The following TBC1D8B variants were observed in gnomAD, a reference collection of about 807,000 sequenced individuals.
TBC1D8B encodes TBC1 domain family member 8B.
A neutral mutation model predicts 82.9 loss-of-function variants in TBC1D8B; 75 were observed. The observed-to-expected ratio is 0.90, with a 90% confidence interval of 0.75 to 1.10. The LOEUF (loss-of-function observed/expected upper bound fraction) is 1.10. TBC1D8B is among the 50% of genes least tolerant of loss of function. The pLI, the probability that TBC1D8B is intolerant of heterozygous loss-of-function variation, is 0.00. For synonymous variants in TBC1D8B, 276 were observed against 276.8 expected (o/e 1.00, Z 0.03); for missense variants, 794 against 796.9 (o/e 1.00, Z 0.04).
intron 6 of TBC1D8B, 149 bp from the exon 7 acceptor site, chrX:106,827,021 G>C: frequency 1.8e-6 from 1 of 541,303 alleles, no homozygotes; most frequent in Non-Finnish European, 3.0e-6. Flanking sequence ...TTGTATGATT[G>C]GTGCAACTAG....
chrX:106,813,542 T>A (rs1210388118), intron 1 of TBC1D8B, among the ~76,000 whole-genome samples: 1 of 111,897 alleles, frequency 8.9e-6, no homozygotes, highest in Non-Finnish European at 1.9e-5. Context: ...TCCTCTCACA[T>A]CCACATAGCC....
chrX:106,811,087 C>A (rs1270335844), intron 1 of TBC1D8B, among the ~76,000 whole-genome samples: 1 of 111,796 alleles, frequency 8.9e-6, no homozygotes, highest in Non-Finnish European at 1.9e-5. Context: ...ATAAGGCTGC[C>A]CTTTCTTATG....
At chrX:106,845,565 T>A (rs1244086277) in intron 10 of TBC1D8B, among the ~76,000 whole-genome samples, 1 of 108,556 alleles carries the variant, frequency 9.2e-6, no homozygotes, top group Non-Finnish European at 1.9e-5. Flanking sequence ...TTTTTTGTTC[T>A]TGCAGTTAGA....
In TBC1D8B at chrX:106,840,015, A is replaced by G. The variant is rs73531167; in HGVS notation, c.1354-33A>G. The G allele has an allele frequency of 0.012, 14,055 of 1,155,894 alleles. 1,157 individuals are homozygous for G. In the African/African-American group the frequency reaches 0.22, roughly 19 times the overall value. ...TTTTGCAGAAGTTAATTTCTCACTAAATTTAGTTGTTTTGATTTTTCTGTC... is the reference window on the plus strand; with the variant it reads ...TTTTGCAGAAGTTAATTTCTCACTAGATTTAGTTGTTTTGATTTTTCTGTC... On this transcript the variant is annotated intron_variant, in intron 8 of 20. Transcript: ENST00000357242.
Position 106,875,719 on chromosome X carries a change from C to T in TBC1D8B, c.*1754C>T, listed in dbSNP as rs1464332731. 9.0e-6 allele frequency: 1 copy of T among 111,729 alleles called. No individual in the cohort carries two copies. Among genetic ancestry groups the T allele is most frequent in the East Asian group, 2.8e-4 (1 of 3,554 alleles). The allele number at this position is 111,729 out of a possible 1,213,427, so 9.2% of individuals were successfully genotyped here. A position where few individuals can be genotyped will look rare whatever the true frequency, so the allele number is the denominator to read the frequency against. ...TCTAGAAAGACACATGTATACAAGG[C>T]ACTATTGTACACACTTTGCTGAATA... On this transcript the variant is annotated 3_prime_UTR_variant, in exon 21 of 21. Coordinates refer to ENST00000357242, the MANE Select transcript of TBC1D8B (RefSeq NM_017752.3).
rs758517242 is a variant in TBC1D8B, at chrX:106,852,881, G to C, written c.2124-640G>C. Among the ~76,000 whole-genome samples the C allele has an allele frequency of 6.2e-3, 693 of 111,441 alleles. 8 individuals carry two copies. The highest frequency in any genetic ancestry group is 0.022 in the African/African-American group (661 of 30,652). On this transcript the variant is annotated intron_variant, in intron 12 of 20. Coordinates refer to ENST00000357242, the MANE Select transcript of TBC1D8B (RefSeq NM_017752.3). The stretch of plus-strand genomic sequence containing the variant: ...ATGATGCCTCCAGCTTTGTTCTTTT[G>C]CCTTAGGATTGACTTGGCGATGCGG...
At chrX:106,814,006 C>A (rs768975743) in intron 1 of TBC1D8B, 4 of 107,169 alleles carry the variant, frequency 3.7e-5, no homozygotes, top group Admixed American at 3.1e-4. Context: ...ATCCCTCCCC[C>A]CTCCCGCCAC....
chrX:106,823,110 A>G (rs754527317), intron 4 of TBC1D8B, 116 bp from the exon 5 acceptor site: 1 of 801,860 alleles, frequency 1.2e-6, no homozygotes, highest in South Asian at 3.1e-5. Context: ...ACTCTAAACT[A>G]TTTTAGCTGT....
intron 14 of TBC1D8B, among the ~76,000 whole-genome samples, chrX:106,855,353 T>C (rs1263096244): frequency 8.9e-6 from 1 of 112,585 alleles, no homozygotes. Context: ...ATTACATAAA[T>C]GTAAAAAGTA....
chrX:106,865,508 T>G (rs1287847672), intron 14 of TBC1D8B, 51 bp from the exon 15 acceptor site: 1 of 1,005,315 alleles, frequency 9.9e-7, no homozygotes, highest in East Asian at 3.1e-5. Flanking sequence ...GAGAATTTCT[T>G]TACTGCAATG....
At chrX:106,826,499 T>A (rs1014080647) in intron 6 of TBC1D8B, among the ~76,000 whole-genome samples, 9 of 109,155 alleles carry the variant, frequency 8.2e-5, no homozygotes, top group Non-Finnish European at 1.5e-4. Flanking sequence ...TGTATACATG[T>A]GCCATGTTGG....
chrX:106,820,882 A>G lies in TBC1D8B; in HGVS notation c.247A>G (p.Asn83Asp). The G allele has an allele frequency of 1.7e-6, 2 of 1,175,381 alleles. No individual in the cohort carries two copies. The highest frequency in any genetic ancestry group is 1.1e-6 in the Non-Finnish European group (1 of 873,396). ...TTTCTTGTGTTATTAATCAGGAGCC[A>G]ACAGAGAAGAAATAACCAAGCATTG... ...QVYLSIACGANREEITKHWDW... is the reference protein window; with the variant it reads ...QVYLSIACGADREEITKHWDW... The change falls in exon 3 of 21, where the codon AAC becomes GAC. Residue 83 changes from asparagine to aspartate, a missense_variant. Physicochemically the swap from Asn to Asp is conservative, Grantham distance 23. Coordinates refer to ENST00000357242, the MANE Select transcript of TBC1D8B (RefSeq NM_017752.3).
intron 1 of TBC1D8B, chrX:106,813,979 G>C (rs1479035423): frequency 9.1e-6 from 1 of 109,410 alleles, no homozygotes; most frequent in African/African-American, 3.3e-5. Context: ...TTAGCATTAG[G>C]TATATCTCTT....
intron 14 of TBC1D8B, among the ~76,000 whole-genome samples, chrX:106,863,069 G>A: frequency 9.0e-6 from 1 of 111,477 alleles, no homozygotes; most frequent in Non-Finnish European, 1.9e-5. Context: ...TCGGGGTGGT[G>A]GCGGTGGAAT....
intron 6 of TBC1D8B, among the ~76,000 whole-genome samples, chrX:106,826,676 G>T (rs1043981618): frequency 1.9e-5 from 2 of 104,205 alleles, no homozygotes; most frequent in East Asian, 6.3e-4. Flanking sequence ...GCGGTGTTTG[G>T]TTTTTTTGTC....
At position 106,823,670 on chromosome X, in the gene TBC1D8B, G is replaced by T. The variant is rs776893513; in HGVS notation, c.827+204G>T. On this transcript the variant is annotated intron_variant, in intron 5 of 20. Transcript: ENST00000357242. Reference sequence around the variant, plus strand: ...TTCTCTCCAGGAAATTTAATTGTAAGAAATAATAGAAGTTAGATTTGAAAA... The same window carrying T: ...TTCTCTCCAGGAAATTTAATTGTAATAAATAATAGAAGTTAGATTTGAAAA... Among the ~76,000 whole-genome samples the T allele has an allele frequency of 9.3e-4, 103 of 110,784 alleles. 2 individuals are homozygous for T. Among genetic ancestry groups the T allele is most frequent in the African/African-American group, 3.2e-3 (99 of 30,503 alleles).
intron 7 of TBC1D8B, among the ~76,000 whole-genome samples, chrX:106,830,502 T>G (rs1932006950): frequency 9.0e-6 from 1 of 110,767 alleles, no homozygotes; most frequent in South Asian, 3.9e-4. Context: ...ACACATATGT[T>G]TACTGCGGCA....
intron 8 of TBC1D8B, among the ~76,000 whole-genome samples, chrX:106,839,792 T>C (rs1932259725): frequency 8.9e-6 from 1 of 112,321 alleles, no homozygotes. Context: ...GCCTCCCAAG[T>C]ATAACACTTT....
chrX:106,821,551 T>C (rs1233577324), intron 3 of TBC1D8B, among the ~76,000 whole-genome samples: 1 of 111,519 alleles, frequency 9.0e-6, no homozygotes, highest in Non-Finnish European at 1.9e-5. Flanking sequence ...TGTATAGATA[T>C]ATACAGTCGT....
Sources: allele counts gnomAD v4.1 joint callset (sites outside exome capture counted in the v4.1 genomes callset), GRCh38; gene constraint gnomAD v4.1.1; transcripts MANE v1.5; gene names NCBI Gene and HGNC (gene_info 2026-07-23, HGNC 2026-07-21).